The following TTC21A variants were observed in gnomAD, a reference collection of about 807,000 sequenced individuals.
TTC21A encodes the protein tetratricopeptide repeat protein 21A.
In TTC21A, 128 loss-of-function variants were observed where a neutral mutation model predicts 156.4. That is an observed-to-expected ratio of 0.82 (90% CI 0.71 to 0.95). The LOEUF (loss-of-function observed/expected upper bound fraction) is 0.95. Among genes scored for constraint, TTC21A ranks in the 40% least tolerant of loss-of-function variants. The probability of loss-of-function intolerance (pLI) is 0.00; values close to 1 mark genes in which losing one functional copy is unlikely to be tolerated. For missense variants in TTC21A, 1,435 were observed against 1,602.3 expected (o/e 0.90, Z 1.78); for synonymous variants, 587 against 617.1 (o/e 0.95, Z 0.72).
intron 5 of TTC21A, 88 bp downstream of exon 5, chr3:39,112,668 C>T (rs1177054380): frequency 2.4e-5 from 37 of 1,546,330 alleles, no homozygotes; most frequent in Non-Finnish European, 3.1e-5. Context: ...GCCAAACCCT[C>T]GTAGTCTCCA....
At position 39,135,142 on chromosome 3, in the gene TTC21A, A is replaced by G. The variant is rs754109776; in HGVS notation, c.2912A>G (p.Asn971Ser). Residue 971 changes from asparagine (N) to serine (S), a missense_variant, in exon 22 of 29, where the codon AAT (asparagine) becomes AGT (serine). By Grantham distance (46) the Asn-to-Ser change is conservative (BLOSUM62 1). Transcript: ENST00000683103. ...AAACAGAAACATGAAGCGGCCATCA[A>G]TCTTTACCACCAAGTCTTGGAGAAA... Reference protein sequence around the residue: ...FRKQKHEAAINLYHQVLEKAP... With the variant: ...FRKQKHEAAISLYHQVLEKAP... The G allele has an allele frequency of 2.5e-5, 41 of 1,614,034 alleles. No individual in the cohort carries two copies. Among genetic ancestry groups the G allele is most frequent in the Non-Finnish European group, 3.0e-5 (35 of 1,180,044 alleles).
intron 22 of TTC21A, 149 bp downstream of exon 22, chr3:39,135,323 A>C: frequency 1.4e-6 from 1 of 728,662 alleles, no homozygotes; most frequent in East Asian, 2.7e-5. Context: ...AAACTGATAA[A>C]GACCCAGTGG....
chr3:39,129,937 T>C, intron 15 of TTC21A, 142 bp from the exon 16 acceptor site: 1 of 916,444 alleles, frequency 1.1e-6, no homozygotes. Flanking sequence ...AGTGCCTCAT[T>C]CACAGTGGAC....
At position 39,121,127 on chromosome 3, in the gene TTC21A, AG is replaced by A; in HGVS notation, c.1033del (p.Ala345ProfsTer9). The A allele has an allele frequency of 6.2e-7, 1 of 1,614,164 alleles. No individual in the cohort carries two copies. The highest frequency in any genetic ancestry group is 8.5e-7 in the Non-Finnish European group (1 of 1,180,020). On this transcript the variant is annotated frameshift_variant, in exon 9 of 29. Coordinates refer to ENST00000683103, the MANE Select transcript of TTC21A (RefSeq NM_001366900.1). LOFTEE classifies it high-confidence loss of function. ...YLFILKNQVK[E>X]ALLWYSEAMK... ...TTCATCCTGAAGAACCAAGTGAAAG[AG>A]GCCTTGCTGTGGTATTCAGAAGCCA...
In TTC21A at chr3:39,107,835, G is replaced by C. The variant is rs377259956; in HGVS notation, c.-3G>C. 7.4e-5 allele frequency: 120 copies of C among 1,612,718 alleles called. No individual in the cohort carries two copies. The highest frequency in any genetic ancestry group is 9.7e-5 in the Non-Finnish European group (115 of 1,179,968). On this transcript the variant is annotated 5_prime_UTR_variant, in exon 1 of 29. Coordinates refer to ENST00000683103, the MANE Select transcript of TTC21A (RefSeq NM_001366900.1). ...CCGGACTCGGAGCCGCGAGCGGCCC[G>C]AGATGAGCAGCAATGACTCCTCCCT... is the stretch of plus-strand genomic sequence containing the variant.
chr3:39,138,446 C>T (rs1456293837), intron 27 of TTC21A, 59 bp downstream of exon 27: 7 of 1,612,634 alleles, frequency 4.3e-6, no homozygotes, highest in Non-Finnish European at 5.1e-6. Flanking sequence ...GGCAGGAGGG[C>T]CCCCACCATG....
In TTC21A at chr3:39,135,113, T is replaced by C; in HGVS notation, c.2883T>C (p.Phe961=). 6.2e-7 allele frequency: 1 copy of C among 1,614,146 alleles called. No homozygotes were observed. The highest frequency in any genetic ancestry group is 8.5e-7 in the Non-Finnish European group (1 of 1,180,020). Residue 961 remains phenylalanine (F), a synonymous_variant, in exon 22 of 29, where the codon TTT becomes TTC. Coordinates refer to ENST00000683103, the MANE Select transcript of TTC21A (RefSeq NM_001366900.1). ...GATAGTTGATGGCTGACCTGATGTTTAGAAAACAGAAACATGAAGCGGCCA... is the reference window on the plus strand; with the variant it reads ...GATAGTTGATGGCTGACCTGATGTTCAGAAAACAGAAACATGAAGCGGCCA... ...TASVLMADLM[F]RKQKHEAAIN... is the part of the protein sequence containing the mutation.
intron 1 of TTC21A, chr3:39,108,101 C>A: frequency 1.7e-6 from 1 of 591,714 alleles, no homozygotes; most frequent in East Asian, 2.8e-5. Flanking sequence ...CTCATCCAAT[C>A]ACTATCATTA....
Position 39,134,411 on chromosome 3 carries a change from G to A in TTC21A, c.2862+83G>A, listed in dbSNP as rs757772859. The A allele has an allele frequency of 6.1e-6, 6 of 984,730 alleles. No homozygotes were observed. The South Asian group carries it at 7.6e-5, about 13-fold the overall frequency. 61.0% of individuals were successfully genotyped at this position (984,730 alleles called of 1,614,324 possible). A position where few individuals can be genotyped will look rare whatever the true frequency, so the allele number is the denominator to read the frequency against. On this transcript the variant is annotated intron_variant, in intron 21 of 28. Coordinates refer to ENST00000683103, the MANE Select transcript of TTC21A (RefSeq NM_001366900.1). This position sits in a 1 kb window ranked among gnomAD's most constrained non-coding sequence, Gnocchi z 4.6. ...GTGACCAGATGCAGGCTACTTCCTA[G>A]CCCCGTAACCTCAGATGCCTCACTG...
intron 12 of TTC21A, among the ~76,000 whole-genome samples, chr3:39,127,540 TAAG>T (rs2038371478): frequency 6.6e-6 from 1 of 152,064 alleles, no homozygotes. Flanking sequence ...CCACAGCACA[TAAG>T]AAGGAGCAGG....
intron 6 of TTC21A, among the ~76,000 whole-genome samples, chr3:39,115,417 T>C (rs2037201684): frequency 6.6e-6 from 1 of 152,140 alleles, no homozygotes; most frequent in Non-Finnish European, 1.5e-5. Flanking sequence ...TCCCAACACT[T>C]TGGGAGGCCG....
At chr3:39,132,424 T>C (rs2038793805) in intron 19 of TTC21A, among the ~76,000 whole-genome samples, 1 of 152,176 alleles carries the variant, frequency 6.6e-6, no homozygotes, top group Non-Finnish European at 1.5e-5. Context: ...GGGTGTGGCC[T>C]CAAACTTGTT....
intron 22 of TTC21A, 41 bp downstream of exon 22, chr3:39,135,215 G>A: frequency 1.3e-6 from 2 of 1,552,648 alleles, no homozygotes; most frequent in Non-Finnish European, 1.8e-6. Context: ...AGTTCCCACT[G>A]AGCAAGGGCC....
rs75358775 is a variant in TTC21A at position 39,129,509 on chromosome 3, T to C, written c.2135+199T>C. Among the ~76,000 whole-genome samples, 170 of 152,312 alleles carry C rather than the reference T, an allele frequency of 1.1e-3. 1 individual carries two copies. Among genetic ancestry groups the C allele is most frequent in the African/African-American group, 3.0e-3 (123 of 41,550 alleles). On this transcript the variant is annotated intron_variant, in intron 15 of 28. Coordinates refer to ENST00000683103, the MANE Select transcript of TTC21A (RefSeq NM_001366900.1). ...CCTGTTCATGGATGAGGATACAGAATCGAATTGGCCCTGAGCCCTGCTTGC... is the reference window on the plus strand; with the variant it reads ...CCTGTTCATGGATGAGGATACAGAACCGAATTGGCCCTGAGCCCTGCTTGC...
intron 3 of TTC21A, among the ~76,000 whole-genome samples, chr3:39,110,600 C>G (rs2036730382): frequency 6.6e-6 from 1 of 152,210 alleles, no homozygotes; most frequent in African/African-American, 2.4e-5. Context: ...CACTGCTGGG[C>G]ACAGAGAAGA....
rs775583592 is a variant in TTC21A at position 39,130,891 on chromosome 3, C to T, written c.2458+52C>T. ...AGCATTTGGAGCAGACATACTCCTC[C>T]CCCATTCCCCATTAGCTGAAGTCCT... On this transcript the variant is annotated intron_variant, in intron 18 of 28. Transcript: ENST00000683103. The surrounding 1 kb of genome is among the most constrained non-coding windows in gnomAD (Gnocchi z 4.5). The T allele has an allele frequency of 9.3e-6, 15 of 1,610,386 alleles. No homozygotes were observed. The highest frequency in any genetic ancestry group is 5.0e-5 in the Admixed American group (3 of 59,858).
chr3:39,119,654 A>G (rs78728457), intron 7 of TTC21A: 7,342 of 211,390 alleles, frequency 0.035, 255 homozygotes, highest in East Asian at 0.16. Context: ...GAAAAAAAAG[A>G]AAAAAAAAAA....
intron 19 of TTC21A, 32 bp downstream of exon 19, chr3:39,131,127 T>G (rs1216740132): frequency 1.9e-6 from 3 of 1,543,956 alleles, no homozygotes; most frequent in East Asian, 4.5e-5. Context: ...GCTCTTTATC[T>G]GCCATCTGCT....
At position 39,130,957 on chromosome 3, in the gene TTC21A, G is replaced by A; in HGVS notation, c.2459-35G>A. On this transcript the variant is annotated intron_variant, in intron 18 of 28. Coordinates refer to ENST00000683103, the MANE Select transcript of TTC21A (RefSeq NM_001366900.1). The surrounding 1 kb of genome is among the most constrained non-coding windows in gnomAD (Gnocchi z 4.5). ...CACCAACACAGCTTCCCAGGAGCCA[G>A]TGAACTAACACTAATTTGAGTTTCC... 6.2e-7 allele frequency: 1 copy of A among 1,609,812 alleles called. No individual in the cohort carries two copies. Among genetic ancestry groups the A allele is most frequent in the Non-Finnish European group, 8.5e-7 (1 of 1,177,178 alleles).
Sources: gnomAD v4.1 joint callset for allele counts (sites outside exome capture counted in the v4.1 genomes callset) on GRCh38, gnomAD v4.1.1 for gene constraint, Gnocchi (gnomAD v3.1) non-coding constraint, MANE v1.5 for transcripts, NCBI Gene and HGNC (gene_info 2026-07-23, HGNC 2026-07-21) for gene names.